Variants in CDH20 observed in about 807,000 individuals in gnomAD.
CDH20 encodes cadherin 20.
A neutral mutation model predicts 74.2 loss-of-function variants in CDH20; 29 were observed. The ratio of observed to expected loss-of-function variants is 0.39; its 90% confidence interval spans 0.29 to 0.53. CDH20 has a LOEUF of 0.53. Among genes scored for constraint, CDH20 ranks in the 20% least tolerant of loss-of-function variants. The pLI, the probability that CDH20 is intolerant of heterozygous loss-of-function variation, is 0.69. For synonymous variants in CDH20, 469 were observed against 405.4 expected, an observed-to-expected ratio of 1.16 and a Z score of -1.88; for missense variants, 988 against 1,048.3, an observed-to-expected ratio of 0.94 and a Z score of 0.79.
intron 2 of CDH20, among the ~76,000 whole-genome samples, chr18:61,493,750 A>G (rs760805947): frequency 6.6e-4 from 100 of 152,216 alleles, no homozygotes; most frequent in Non-Finnish European, 1.3e-3. Context: ...TAGCTTCTCC[A>G]TATCTATATA....
At chr18:61,344,573 T>C (rs951392713) in intron 1 of CDH20, among the ~76,000 whole-genome samples, 3 of 152,184 alleles carry the variant, frequency 2.0e-5, no homozygotes, top group Non-Finnish European at 4.4e-5. Context: ...AAGAATAAAA[T>C]ACGTCATTTT....
intron 1 of CDH20, among the ~76,000 whole-genome samples, chr18:61,423,202 A>G (rs1912948246): frequency 6.6e-6 from 1 of 152,232 alleles, no homozygotes. Context: ...GATCAGCATC[A>G]AAGATGCAGA....
intron 1 of CDH20, among the ~76,000 whole-genome samples, chr18:61,426,567 T>C (rs192704726): frequency 6.6e-6 from 1 of 152,300 alleles, no homozygotes; most frequent in East Asian, 1.9e-4. Context: ...AGCCTTACAG[T>C]TAAATCGGTT....
intron 1 of CDH20, among the ~76,000 whole-genome samples, chr18:61,378,626 T>C (rs1231632932): frequency 6.6e-6 from 1 of 152,196 alleles, no homozygotes; most frequent in African/African-American, 2.4e-5. Flanking sequence ...TCCAGAATAA[T>C]GTTTGGCCAA....
intron 1 of CDH20, among the ~76,000 whole-genome samples, chr18:61,387,374 T>C (rs1430133615): frequency 1.3e-5 from 2 of 152,168 alleles, no homozygotes; most frequent in Non-Finnish European, 2.9e-5. Flanking sequence ...AGCAACATGT[T>C]CTTCAGTGCA....
chr18:61,548,747 G>A lies in CDH20; in HGVS notation c.1649-1231G>A, dbSNP rs922265289. Reference sequence around the variant, plus strand: ...CTGTGGTTCTTTCTCAGTAACTACAGCAAGGAAAGAGCATGGAGACTTACA... The same window carrying A: ...CTGTGGTTCTTTCTCAGTAACTACAACAAGGAAAGAGCATGGAGACTTACA... On this transcript the variant is annotated intron_variant, in intron 10 of 11. Coordinates refer to ENST00000262717, the MANE Select transcript of CDH20 (RefSeq NM_031891.4). 3.3e-5 allele frequency among the ~76,000 whole-genome samples: 5 copies of A among 152,350 alleles called. 1 individual carries two copies. In the Middle Eastern group the frequency reaches 0.01, roughly 311 times the overall value.
At position 61,506,014 on chromosome 18, in the gene CDH20, A is replaced by G. The variant is rs540831481; in HGVS notation, c.830-1359A>G. 2.0e-5 allele frequency among the ~76,000 whole-genome samples: 3 copies of G among 152,316 alleles called. No homozygotes were observed. The East Asian group carries it at 5.8e-4, about 29-fold the overall frequency. On this transcript the variant is annotated intron_variant, in intron 5 of 11. Transcript: ENST00000262717. ...CTTCTTTTTCACAAATATTACTATA[A>G]CTGATTGTGGAATGTTGACAAAATG...
intron 1 of CDH20, among the ~76,000 whole-genome samples, chr18:61,416,336 A>C (rs1270915264): frequency 6.6e-6 from 1 of 152,218 alleles, no homozygotes; most frequent in African/African-American, 2.4e-5. Context: ...CTAACATGGG[A>C]AAACCAATAA....
intron 1 of CDH20, among the ~76,000 whole-genome samples, chr18:61,440,963 G>A (rs893182908): frequency 1.3e-5 from 2 of 152,248 alleles, no homozygotes; most frequent in Non-Finnish European, 1.5e-5. Flanking sequence ...ACAGGAAAGG[G>A]TAAGAAATTG....
Position 61,357,520 on chromosome 18 carries a change from T to C in CDH20, c.-153+23693T>C, listed in dbSNP as rs376820797. Among the ~76,000 whole-genome samples, 28 of 152,328 alleles carry C rather than the reference T, an allele frequency of 1.8e-4. No individual in the cohort carries two copies. In the East Asian group the frequency reaches 5.4e-3, roughly 29 times the overall value. On this transcript the variant is annotated intron_variant, in intron 1 of 11. Transcript: ENST00000262717. ...TTGCTCTGCTCTACTTAGCATGTGG[T>C]TTTTGTCCTCGTGGTTGCAAAATGG...
intron 1 of CDH20, among the ~76,000 whole-genome samples, chr18:61,362,445 T>A (rs1232901822): frequency 6.6e-6 from 1 of 152,138 alleles, no homozygotes; most frequent in African/African-American, 2.4e-5. Flanking sequence ...TTATTGAAGA[T>A]CCGTGATGCA....
chr18:61,357,498 C>T (rs370180077), intron 1 of CDH20, among the ~76,000 whole-genome samples: 105 of 152,256 alleles, frequency 6.9e-4, no homozygotes, highest in African/African-American at 2.3e-3. Context: ...TGGATTTTTG[C>T]TCTGCTCTAC....
chr18:61,334,354 C>G (rs1392906154), intron 1 of CDH20: 1 of 152,216 alleles, frequency 6.6e-6, no homozygotes, highest in Non-Finnish European at 1.5e-5. Flanking sequence ...GTCCGTGCCT[C>G]GCGCCGCGCC....
intron 1 of CDH20, among the ~76,000 whole-genome samples, chr18:61,382,113 G>A (rs763329254): frequency 6.6e-6 from 1 of 152,036 alleles, no homozygotes; most frequent in Non-Finnish European, 1.5e-5. Context: ...CTAAACTTCA[G>A]ACACATCTAA....
rs117640115 is a variant in CDH20, at chr18:61,453,796, T to C, written c.-152-36606T>C. Among the ~76,000 whole-genome samples, 63 of 152,332 alleles carry C rather than the reference T, an allele frequency of 4.1e-4. No homozygotes were observed. The East Asian group carries it at 0.012, about 28-fold the overall frequency. ...TCGTGTACATATTTTTGGGTAAACA[T>C]GTCTTCATTTCTCTGGGATAAATGC... On this transcript the variant is annotated intron_variant, in intron 1 of 11. Coordinates refer to ENST00000262717, the MANE Select transcript of CDH20 (RefSeq NM_031891.4).
chr18:61,547,033 A>G (rs1208936987), intron 10 of CDH20, among the ~76,000 whole-genome samples: 2 of 152,204 alleles, frequency 1.3e-5, no homozygotes, highest in Admixed American at 1.3e-4. Flanking sequence ...TCTGAAAAAC[A>G]TATTTTAAAA....
chr18:61,487,300 C>T (rs570626208), intron 1 of CDH20, among the ~76,000 whole-genome samples: 27 of 152,244 alleles, frequency 1.8e-4, no homozygotes, highest in African/African-American at 6.5e-4. Context: ...ATATGAGAAC[C>T]ACCTCATTTA....
intron 1 of CDH20, among the ~76,000 whole-genome samples, chr18:61,362,968 T>G (rs1402485997): frequency 6.6e-6 from 1 of 152,136 alleles, no homozygotes; most frequent in African/African-American, 2.4e-5. Flanking sequence ...ATAAAGCCTG[T>G]GAGTCAAGAG....
At chr18:61,517,007 T>C (rs540122393) in intron 6 of CDH20, among the ~76,000 whole-genome samples, 1 of 152,288 alleles carries the variant, frequency 6.6e-6, no homozygotes, top group Non-Finnish European at 1.5e-5. Context: ...AATTAAAAAC[T>C]CACGCTAGTG....
Sources: allele counts gnomAD v4.1 joint callset (sites outside exome capture counted in the v4.1 genomes callset), GRCh38; gene constraint gnomAD v4.1.1; transcripts MANE v1.5; gene names NCBI Gene and HGNC (gene_info 2026-07-23, HGNC 2026-07-21).